CNTNAP2: variants seen among roughly 807,000 people sequenced by gnomAD.
The protein encoded by CNTNAP2 is contactin-associated protein-like 2.
A neutral mutation model predicts 155.2 loss-of-function variants in CNTNAP2; 98 were observed. The observed-to-expected ratio is 0.63, with a 90% confidence interval of 0.54 to 0.75. The LOEUF (loss-of-function observed/expected upper bound fraction) is 0.75, where lower values mean the gene tolerates loss of function less well. CNTNAP2 is among the 30% of genes least tolerant of loss of function. The pLI is 0.00. For synonymous variants in CNTNAP2, 651 were observed against 631.2 expected (o/e 1.03, Z -0.47); for missense variants, 1,727 against 1,688.1 (o/e 1.02, Z -0.40).
Position 148,145,283 on chromosome 7 carries a change from T to C in CNTNAP2, c.2555-2208T>C, listed in dbSNP as rs184078935. Among the ~76,000 whole-genome samples the C allele has an allele frequency of 7.5e-3, 1,139 of 152,288 alleles. 10 individuals are homozygous for C. Among genetic ancestry groups the C allele is most frequent in the South Asian group, 0.024 (114 of 4,814 alleles). ...TCGTCCTGGCAACTTTCTTCCCTTCTCCAGAATAAAATATTGATGTTAAGG... is the reference window on the plus strand; with the variant it reads ...TCGTCCTGGCAACTTTCTTCCCTTCCCCAGAATAAAATATTGATGTTAAGG... On this transcript the variant is annotated intron_variant, in intron 16 of 23. Coordinates refer to ENST00000361727, the MANE Select transcript of CNTNAP2 (RefSeq NM_014141.6).
chr7:147,759,667 A>T (rs1181668048), intron 13 of CNTNAP2, among the ~76,000 whole-genome samples: 1 of 152,176 alleles, frequency 6.6e-6, no homozygotes, highest in Non-Finnish European at 1.5e-5. Context: ...AGCTCCTCAC[A>T]TCCTGTGCCA....
chr7:146,170,757 G>A (rs1252028388), intron 1 of CNTNAP2, among the ~76,000 whole-genome samples: 1 of 152,136 alleles, frequency 6.6e-6, no homozygotes. Flanking sequence ...GCTGGGTATG[G>A]TGGCTCACAC....
chr7:147,889,650 G>A (rs1799654882), intron 13 of CNTNAP2, among the ~76,000 whole-genome samples: 1 of 152,146 alleles, frequency 6.6e-6, no homozygotes, highest in South Asian at 2.1e-4. Flanking sequence ...TAGGTCAGAA[G>A]CCTTTAAAAA....
At chr7:146,657,555 T>A (rs1156843957) in intron 1 of CNTNAP2, among the ~76,000 whole-genome samples, 1 of 152,194 alleles carries the variant, frequency 6.6e-6, no homozygotes, top group Non-Finnish European at 1.5e-5. Flanking sequence ...TGTTTCTCTC[T>A]TTCTCTCTCT....
chr7:147,517,168 C>T (rs1799143482), intron 11 of CNTNAP2, among the ~76,000 whole-genome samples: 1 of 152,028 alleles, frequency 6.6e-6, no homozygotes, highest in African/African-American at 2.4e-5. Flanking sequence ...CCATGCCCCA[C>T]CAAGATGTAA....
chr7:147,371,100 A>C (rs1175540840), intron 9 of CNTNAP2, among the ~76,000 whole-genome samples: 2 of 152,118 alleles, frequency 1.3e-5, no homozygotes, highest in African/African-American at 2.4e-5. Context: ...CACCTCACAA[A>C]GGGAATTTAT....
intron 12 of CNTNAP2, among the ~76,000 whole-genome samples, chr7:147,570,813 G>A (rs1389117254): frequency 6.6e-6 from 1 of 152,166 alleles, no homozygotes; most frequent in Non-Finnish European, 1.5e-5. Context: ...TGTAGTTACC[G>A]TGTGTATGTG....
Position 147,244,343 on chromosome 7 carries a change from C to T in CNTNAP2, c.1349-55798C>T, listed in dbSNP as rs181906597. Among the ~76,000 whole-genome samples, 411 of 152,206 alleles carry T rather than the reference C, an allele frequency of 2.7e-3. 1 individual carries two copies. Among genetic ancestry groups the T allele is most frequent in the African/African-American group, 9.2e-3 (383 of 41,528 alleles). Reference sequence around the variant, plus strand: ...TCATTAGCCAATAAAAAGAAAATGACGTTTCTTTGCAAGGAGTAGACTTTA... The same window carrying T: ...TCATTAGCCAATAAAAAGAAAATGATGTTTCTTTGCAAGGAGTAGACTTTA... On this transcript the variant is annotated intron_variant, in intron 8 of 23. Transcript: ENST00000361727.
At chr7:147,296,800 A>G (rs1805456293) in intron 8 of CNTNAP2, among the ~76,000 whole-genome samples, 2 of 152,142 alleles carry the variant, frequency 1.3e-5, no homozygotes, top group Admixed American at 1.3e-4. Context: ...GTTCTTTAAT[A>G]AGGAGATTGT....
intron 1 of CNTNAP2, among the ~76,000 whole-genome samples, chr7:146,679,366 T>TTTTTGTTG: frequency 6.7e-6 from 1 of 148,684 alleles, no homozygotes. Flanking sequence ...TTTTTTTTTT[T>TTTTTGTTG]TGGAGACAGA....
intron 4 of CNTNAP2, among the ~76,000 whole-genome samples, chr7:147,092,638 A>G (rs975353467): frequency 9.2e-5 from 14 of 152,226 alleles, no homozygotes. Context: ...AAAGTCAGGA[A>G]AAGTAGGCAA....
intron 1 of CNTNAP2, among the ~76,000 whole-genome samples, chr7:146,665,572 T>C (rs966668702): frequency 1.3e-5 from 2 of 151,392 alleles, no homozygotes; most frequent in African/African-American, 4.9e-5. Context: ...ACCTGAGGTC[T>C]GGAGTTCAGG....
At chr7:147,857,432 C>G (rs1221077100) in intron 13 of CNTNAP2, among the ~76,000 whole-genome samples, 1 of 152,136 alleles carries the variant, frequency 6.6e-6, no homozygotes, top group Non-Finnish European at 1.5e-5. Flanking sequence ...GCTATTCACT[C>G]AATTTGAAAA....
At chr7:146,862,552 A>G (rs146911180) in intron 3 of CNTNAP2, among the ~76,000 whole-genome samples, 248 of 152,324 alleles carry the variant, frequency 1.6e-3, no homozygotes, top group African/African-American at 5.5e-3. Context: ...CCTCCTTCTG[A>G]ATGAGAACTA....
At chr7:146,950,174 T>C (rs920412934) in intron 3 of CNTNAP2, among the ~76,000 whole-genome samples, 1 of 152,180 alleles carries the variant, frequency 6.6e-6, no homozygotes, top group Non-Finnish European at 1.5e-5. Context: ...GAAATAATTA[T>C]ATTATCTGAA....
chr7:148,142,701 T>C (rs142696825), intron 16 of CNTNAP2, among the ~76,000 whole-genome samples: 254 of 152,356 alleles, frequency 1.7e-3, no homozygotes, highest in Middle Eastern at 0.01. Context: ...ACTGAAACTG[T>C]GGTCTAATAT....
chr7:146,835,511 T>C (rs1803599958), intron 2 of CNTNAP2, among the ~76,000 whole-genome samples: 1 of 152,146 alleles, frequency 6.6e-6, no homozygotes, highest in South Asian at 2.1e-4. Flanking sequence ...AACCTACAGC[T>C]CTTTCAAAAT....
intron 1 of CNTNAP2, among the ~76,000 whole-genome samples, chr7:146,341,976 T>C (rs946196141): frequency 1.3e-5 from 2 of 152,314 alleles, no homozygotes; most frequent in Admixed American, 1.3e-4. Context: ...CCTTCATTCT[T>C]AATGTTTGTA....
chr7:146,804,583 T>G (rs1451778901), intron 2 of CNTNAP2, among the ~76,000 whole-genome samples: 6 of 152,188 alleles, frequency 3.9e-5, no homozygotes, highest in Admixed American at 3.9e-4. Context: ...ACATCCTTTG[T>G]TGTATGAGGA....
Sources: allele counts gnomAD v4.1 joint callset (sites outside exome capture counted in the v4.1 genomes callset), GRCh38; gene constraint gnomAD v4.1.1; transcripts MANE v1.5; gene names NCBI Gene and HGNC (gene_info 2026-07-23, HGNC 2026-07-21).